The following ZNF148 variants were observed in gnomAD, a reference collection of about 807,000 sequenced individuals.
ZNF148 encodes the protein zinc finger protein 148.
A neutral mutation model predicts 67.7 loss-of-function variants in ZNF148; 7 were observed. The ratio of observed to expected loss-of-function variants is 0.10; its 90% confidence interval spans 0.06 to 0.19. The LOEUF is 0.19. Ranked by LOEUF, ZNF148 falls within the 10% of genes least tolerant of loss-of-function variation. ZNF148 has a pLI of 1.00. For missense variants in ZNF148, 583 were observed against 947.1 expected (o/e 0.62, Z 5.05); for synonymous variants, 333 against 330.7 (o/e 1.01, Z -0.08).
At chr3:125,261,041 G>C (rs1482785295) in intron 7 of ZNF148, among the ~76,000 whole-genome samples, 1 of 152,112 alleles carries the variant, frequency 6.6e-6, no homozygotes, top group East Asian at 1.9e-4. Flanking sequence ...GAGGTTTATG[G>C]AAAGGAGAAT....
intron 4 of ZNF148, among the ~76,000 whole-genome samples, chr3:125,303,278 G>T (rs186779371): frequency 6.6e-6 from 1 of 152,310 alleles, no homozygotes; most frequent in East Asian, 1.9e-4. Context: ...TCCTGGCTTA[G>T]TTCTGAATCT....
intron 1 of ZNF148, among the ~76,000 whole-genome samples, chr3:125,343,396 C>T (rs1381146792): frequency 6.6e-6 from 1 of 151,938 alleles, no homozygotes; most frequent in African/African-American, 2.4e-5. Flanking sequence ...TTCTGTCTTA[C>T]AAGAGGATTG....
At chr3:125,315,972 T>G (rs1212843681) in intron 3 of ZNF148, among the ~76,000 whole-genome samples, 1 of 152,220 alleles carries the variant, frequency 6.6e-6, no homozygotes, top group Non-Finnish European at 1.5e-5. Context: ...TTCTATTTTT[T>G]TGTGTGTGCC....
chr3:125,358,049 G>A (rs1304595039), intron 1 of ZNF148, among the ~76,000 whole-genome samples: 2 of 152,120 alleles, frequency 1.3e-5, no homozygotes, highest in Non-Finnish European at 2.9e-5. Flanking sequence ...CGGGGACTCA[G>A]GCCTGTAATC....
At chr3:125,288,372 C>T in intron 4 of ZNF148, 144 bp from the exon 5 acceptor site, 1 of 813,870 alleles carries the variant, frequency 1.2e-6, no homozygotes, top group Non-Finnish European at 1.9e-6. Flanking sequence ...TAACTATATA[C>T]AGTGCTATAG....
chr3:125,283,940 T>C (rs192145753), intron 5 of ZNF148, among the ~76,000 whole-genome samples: 1 of 152,276 alleles, frequency 6.6e-6, no homozygotes, highest in African/African-American at 2.4e-5. Flanking sequence ...TTTATTCAGA[T>C]CACCTAAAGT....
At chr3:125,278,037 A>G (rs974365138) in intron 6 of ZNF148, among the ~76,000 whole-genome samples, 1 of 152,180 alleles carries the variant, frequency 6.6e-6, no homozygotes, top group African/African-American at 2.4e-5. Context: ...AATTTGATCT[A>G]TATATTCAAG....
chr3:125,291,606 T>C (rs1209491504), intron 4 of ZNF148, among the ~76,000 whole-genome samples: 3 of 152,160 alleles, frequency 2.0e-5, no homozygotes, highest in African/African-American at 7.2e-5. Context: ...TGCTTCACTA[T>C]CTATTTTATA....
intron 1 of ZNF148, among the ~76,000 whole-genome samples, chr3:125,374,348 A>T (rs1375351873): frequency 6.6e-6 from 1 of 152,140 alleles, no homozygotes; most frequent in Non-Finnish European, 1.5e-5. Context: ...CTATTCTATT[A>T]TGCATTCCCT....
chr3:125,257,691 T>C (rs1937149089), intron 7 of ZNF148, among the ~76,000 whole-genome samples: 1 of 152,150 alleles, frequency 6.6e-6, no homozygotes. Flanking sequence ...GAAATGCTTC[T>C]TTTCCTTCCC....
intron 7 of ZNF148, among the ~76,000 whole-genome samples, chr3:125,244,324 G>A (rs536912224): frequency 2.0e-5 from 3 of 152,252 alleles, no homozygotes; most frequent in African/African-American, 7.2e-5. Flanking sequence ...TAAGATTTAT[G>A]TATAATCTAG....
At chr3:125,373,074 C>T (rs753354594) in intron 1 of ZNF148, among the ~76,000 whole-genome samples, 1 of 151,900 alleles carries the variant, frequency 6.6e-6, no homozygotes, top group Non-Finnish European at 1.5e-5. Context: ...ATATACAGTG[C>T]TGGTGAGGGA....
chr3:125,354,097 G>T (rs1390697554), intron 1 of ZNF148, among the ~76,000 whole-genome samples: 1 of 152,002 alleles, frequency 6.6e-6, no homozygotes, highest in African/African-American at 2.4e-5. Flanking sequence ...AGTTTCTCTT[G>T]ATTCCATTTT....
chr3:125,249,255 C>T (rs1031505557), intron 7 of ZNF148, among the ~76,000 whole-genome samples: 5 of 152,058 alleles, frequency 3.3e-5, no homozygotes, highest in African/African-American at 9.7e-5. Context: ...AAAACATTTG[C>T]AAGCCATATA....
rs192587315 is a variant in ZNF148, at chr3:125,263,289, G to A, written c.667+14437C>T. Among the ~76,000 whole-genome samples the A allele has an allele frequency of 7.9e-5, 12 of 152,300 alleles. No individual in the cohort carries two copies. The East Asian group carries it at 1.7e-3, about 22-fold the overall frequency. On this transcript the variant is annotated intron_variant, in intron 7 of 8. Coordinates refer to ENST00000360647, the MANE Select transcript of ZNF148 (RefSeq NM_021964.3). ...ATTTAGGCTGGGCACGGTGGCCCACGCCTGTAATCCCAGGACTTTGGGAAG... is the reference window on the plus strand; with the variant it reads ...ATTTAGGCTGGGCACGGTGGCCCACACCTGTAATCCCAGGACTTTGGGAAG...
chr3:125,269,606 G>T (rs1398483290), intron 7 of ZNF148, among the ~76,000 whole-genome samples: 1 of 152,024 alleles, frequency 6.6e-6, no homozygotes, highest in Non-Finnish European at 1.5e-5. Context: ...CCCATTACTG[G>T]GTACATACCC....
chr3:125,264,831 TAAAC>T (rs1444768255), intron 7 of ZNF148, among the ~76,000 whole-genome samples: 2 of 152,210 alleles, frequency 1.3e-5, no homozygotes, highest in Non-Finnish European at 2.9e-5. Flanking sequence ...ATCTCATCAT[TAAAC>T]AATCATTTCA....
chr3:125,306,183 C>T (rs2107659144), intron 4 of ZNF148, among the ~76,000 whole-genome samples: 1 of 152,200 alleles, frequency 6.6e-6, no homozygotes, highest in Admixed American at 6.5e-5. Context: ...AAGTTTGGAG[C>T]TTCACATGTT....
intron 1 of ZNF148, among the ~76,000 whole-genome samples, chr3:125,337,226 A>G (rs1941537625): frequency 6.6e-6 from 1 of 152,170 alleles, no homozygotes; most frequent in Non-Finnish European, 1.5e-5. Context: ...TTTGTCAAAC[A>G]AGAAACCAAC....
Sources: allele counts gnomAD v4.1 joint callset (sites outside exome capture counted in the v4.1 genomes callset), GRCh38; gene constraint gnomAD v4.1.1; transcripts MANE v1.5; gene names NCBI Gene and HGNC (gene_info 2026-07-23, HGNC 2026-07-21).